The following PSKH2 variants were observed in gnomAD, a reference collection of about 807,000 sequenced individuals.
PSKH2 encodes the protein serine/threonine-protein kinase H2.
A neutral mutation model predicts 22.5 loss-of-function variants in PSKH2; 16 were observed. The ratio of observed to expected loss-of-function variants is 0.71; its 90% CI spans 0.48 to 1.08. The LOEUF is 1.08. PSKH2 is among the 50% of genes least tolerant of loss of function. The pLI, the probability that PSKH2 is intolerant of heterozygous loss-of-function variation, is 0.00. For synonymous variants in PSKH2, 188 were observed against 184.8 expected (o/e 1.02, Z -0.14); for missense variants, 516 against 492.8 (o/e 1.05, Z -0.44).
At chr8:86,065,738 C>T (rs911671684) in intron 1 of PSKH2, among the ~76,000 whole-genome samples, 2 of 151,952 alleles carry the variant, frequency 1.3e-5, no homozygotes, top group Admixed American at 6.6e-5. Flanking sequence ...TTTGGGAGGC[C>T]GAGGTGGGAA....
rs1169508250 is a variant in PSKH2, at chr8:86,069,508, C to T, written c.115G>A (p.Ala39Thr). 6.2e-7 allele frequency: 1 copy of T among 1,608,674 alleles called. No homozygotes were observed. The highest frequency in any genetic ancestry group is 1.1e-5 in the South Asian group (1 of 90,624). The part of the protein sequence containing the change: ...VGGAGPGPEA[A>T]AQAAQRIQVA... The stretch of plus-strand genomic sequence containing the variant: ...TGTATCCTCTGCGCCGCCTGGGCCG[C>T]CGCCTCGGGCCCAGGCCCCGCGCCT... The change falls in exon 1 of 3, where the codon GCG (alanine) becomes ACG (threonine). Residue 39 changes from alanine to threonine, a missense_variant. Ala to Thr is a moderately conservative substitution (Grantham distance 58). Transcript: ENST00000276616.
chr8:86,061,029 C>A (rs1394274118), intron 2 of PSKH2, among the ~76,000 whole-genome samples: 1 of 152,188 alleles, frequency 6.6e-6, no homozygotes, highest in African/African-American at 2.4e-5. Context: ...CTGCCTTGAC[C>A]TCAGAAGGCC....
chr8:86,058,627 C>G lies in PSKH2; in HGVS notation c.852+5338G>C, dbSNP rs541419641. ...GCTTATAATGTCTTAAAGCAGCAAC[C>G]TATAGCAACCAGATTAAATTAGAAC... On this transcript the variant is annotated intron_variant, in intron 2 of 2. Coordinates refer to ENST00000276616, the MANE Select transcript of PSKH2 (RefSeq NM_033126.3). Among the ~76,000 whole-genome samples the G allele has an allele frequency of 3.3e-5, 5 of 152,084 alleles. No individual in the cohort carries two copies. The South Asian group carries it at 1.0e-3, about 32-fold the overall frequency.
Position 86,062,056 on chromosome 8 carries a change from C to A in PSKH2, c.852+1909G>T, listed in dbSNP as rs557853484. ...CAAATCACCATACCAGGAGAAAAGC[C>A]CAGTAAACATGCTATTATATTTCCT... On this transcript the variant is annotated intron_variant, in intron 2 of 2. Transcript: ENST00000276616. Among the ~76,000 whole-genome samples the A allele has an allele frequency of 2.6e-5, 4 of 152,238 alleles. No homozygotes were observed. The South Asian group carries it at 8.3e-4, about 32-fold the overall frequency.
intron 2 of PSKH2, among the ~76,000 whole-genome samples, chr8:86,057,821 T>C (rs1013900993): frequency 3.3e-5 from 5 of 152,220 alleles, no homozygotes; most frequent in African/African-American, 1.2e-4. Context: ...GCCCTTTTCA[T>C]GGACCCTGAC....
At chr8:86,064,706 A>G (rs1817834605) in intron 1 of PSKH2, 75 bp from the exon 2 acceptor site, 1 of 1,163,018 alleles carries the variant, frequency 8.6e-7, no homozygotes, top group African/African-American at 1.5e-5. Context: ...CATGCTTTAT[A>G]TCATCTTTTC....
chr8:86,064,203 A>G lies in PSKH2; in HGVS notation c.614T>C (p.Phe205Ser), dbSNP rs779669792. 6.2e-7 allele frequency: 1 copy of G among 1,614,090 alleles called. No individual in the cohort carries two copies. The highest frequency in any genetic ancestry group is 1.6e-4 in the Middle Eastern group (1 of 6,062). ...TTTTTTCCCGGAGTATGCCAAACCA[A>G]AATCTGTAATTAAAATTTTCGACTC... The part of the protein sequence containing the change: ...GEESKILITD[F>S]GLAYSGKKSG... The change falls in exon 2 of 3, where the codon TTT (phenylalanine) becomes TCT (serine). Residue 205 changes from phenylalanine to serine, a missense_variant. Transcript: ENST00000276616.
chr8:86,069,739 A>C, upstream of PSKH2: 6 of 1,206,142 alleles, frequency 5.0e-6, no homozygotes, highest in African/African-American at 1.6e-5. Flanking sequence ...AAGAAACCCC[A>C]CTGGGGGGTC....
intron 2 of PSKH2, among the ~76,000 whole-genome samples, chr8:86,056,326 G>A (rs901103704): frequency 6.6e-6 from 1 of 152,002 alleles, no homozygotes; most frequent in African/African-American, 2.4e-5. Context: ...TTTAATATCA[G>A]TGTCTGTCCT....
chr8:86,049,577 A>G (rs550833237), intron 2 of PSKH2, among the ~76,000 whole-genome samples: 7 of 141,474 alleles, frequency 4.9e-5, no homozygotes, highest in Middle Eastern at 3.5e-3. Context: ...AAGAAAGAGG[A>G]GAGAGAGAGA....
intron 1 of PSKH2, among the ~76,000 whole-genome samples, chr8:86,067,153 C>T (rs1438945478): frequency 6.6e-6 from 1 of 151,978 alleles, no homozygotes; most frequent in African/African-American, 2.4e-5. Context: ...TTCATATTTC[C>T]AATATTTGAA....
At chr8:86,051,372 A>G (rs1317310319) in intron 2 of PSKH2, among the ~76,000 whole-genome samples, 1 of 152,164 alleles carries the variant, frequency 6.6e-6, no homozygotes, top group Non-Finnish European at 1.5e-5. Flanking sequence ...ACAGGCGTAA[A>G]CACTGCCCCC....
intron 2 of PSKH2, among the ~76,000 whole-genome samples, chr8:86,060,576 C>A (rs1817762965): frequency 6.6e-6 from 1 of 152,110 alleles, no homozygotes; most frequent in Non-Finnish European, 1.5e-5. Flanking sequence ...CTCTGTTGAG[C>A]CCTAACCCCC....
At chr8:86,056,533 G>T (rs952015153) in intron 2 of PSKH2, among the ~76,000 whole-genome samples, 2 of 151,990 alleles carry the variant, frequency 1.3e-5, no homozygotes, top group African/African-American at 4.8e-5. Context: ...CCATGTAAAA[G>T]ATTTAAAAGG....
intron 2 of PSKH2, among the ~76,000 whole-genome samples, chr8:86,049,723 AAAGAAAGAAAGAAAGAAAG>A (rs1817592805): frequency 1.5e-5 from 1 of 68,806 alleles, no homozygotes; most frequent in South Asian, 8.0e-4. Flanking sequence ...AGAAAGAAAG[AAAGAAAGAAAGAAAGAAAG>A]AAAGAAACGA....
In PSKH2 at chr8:86,049,735, AAAGAAAGAAAGAAAC is replaced by A. The variant is rs1817595712; in HGVS notation, c.853-983_853-969del. Among the ~76,000 whole-genome samples, 6 of 36,022 alleles carry A rather than the reference AAAGAAAGAAAGAAAC, an allele frequency of 1.7e-4. 2 individuals carry two copies. The South Asian group carries it at 4.5e-3, about 27-fold the overall frequency. 23.6% of individuals were successfully genotyped at this position (36,022 alleles called of 152,430 possible). A position where few individuals can be genotyped will look rare whatever the true frequency, so the allele number is the denominator to read the frequency against. ...GAAAGAAAGAAAGAAAGAAAGAAAG[AAAGAAAGAAAGAAAC>A]GAAAGAAAGAAAGAAAGAGAAAAGA... On this transcript the variant is annotated intron_variant, in intron 2 of 2. Transcript: ENST00000276616.
Position 86,069,446 on chromosome 8 carries a change from G to A in PSKH2, c.177C>T (p.Val59=), listed in dbSNP as rs146243331. The A allele has an allele frequency of 9.9e-5, 158 of 1,589,694 alleles. No homozygotes were observed. In the African/African-American group the frequency reaches 1.8e-3, roughly 18 times the overall value. ...CTCACGTGGCGCTTTACCTGGCAAG[G>A]ACCCGGGGGTCGAACTTGGCTCGGA... ...ARFRAKFDPR[V]LARYDIKALI... The change falls in exon 1 of 3, where the codon GTC becomes GTT. Residue 59 remains valine, a synonymous_variant. Coordinates refer to ENST00000276616, the MANE Select transcript of PSKH2 (RefSeq NM_033126.3).
chr8:86,069,348 G>C, intron 1 of PSKH2, 90 bp downstream of exon 1: 7 of 1,264,542 alleles, frequency 5.5e-6, no homozygotes, highest in Non-Finnish European at 5.4e-6. Context: ...CCAAAATTGA[G>C]TCAAGCTGAA....
At chr8:86,063,921 C>G (rs981711) in intron 2 of PSKH2, 44 bp downstream of exon 2, 1,233,007 of 1,481,720 alleles carry the variant, frequency 0.83, 517,131 homozygotes, top group Non-Finnish European at 0.86. Context: ...TGGAGAAGCC[C>G]CACTCTAAAC....
Sources: gnomAD v4.1 joint callset for allele counts (sites outside exome capture counted in the v4.1 genomes callset) on GRCh38, gnomAD v4.1.1 for gene constraint, MANE v1.5 for transcripts, NCBI Gene and HGNC (gene_info 2026-07-23, HGNC 2026-07-21) for gene names.